Variants in PCDHA1 observed in about 807,000 individuals in gnomAD.
The protein encoded by PCDHA1 is protocadherin alpha 1, also known as protocadherin alpha-1.
A neutral mutation model predicts 61.3 loss-of-function variants in PCDHA1; 42 were observed. That is an observed-to-expected ratio of 0.69 (90% confidence interval 0.54 to 0.89). The LOEUF (loss-of-function observed/expected upper bound fraction) is 0.89. PCDHA1 is among the 40% of genes least tolerant of loss of function. PCDHA1 has a pLI of 0.00. For missense variants in PCDHA1, 1,256 were observed against 1,235.3 expected (o/e 1.02, Z -0.25); for synonymous variants, 610 against 553.8 (o/e 1.10, Z -1.43).
In PCDHA1 at chr5:140,807,615, C is replaced by T. The variant is rs781997820; in HGVS notation, c.2394+18931C>T. ...GCAACACAAAAGAACCTGTCCATCG[C>T]GGAATCCAGGCCGCTTGACTCTCGG... On this transcript the variant is annotated intron_variant, in intron 1 of 3. Transcript: ENST00000504120. 6.2e-6 allele frequency: 10 copies of T among 1,614,038 alleles called. No homozygotes were observed. In the East Asian group the frequency reaches 6.7e-5, roughly 11 times the overall value.
chr5:140,787,837 A>G lies in PCDHA1; in HGVS notation c.1547A>G (p.Lys516Arg). The G allele has an allele frequency of 6.2e-7, 1 of 1,612,678 alleles. No homozygotes were observed. Among genetic ancestry groups the G allele is most frequent in the Non-Finnish European group, 8.5e-7 (1 of 1,179,778 alleles). Residue 516 changes from lysine (K) to arginine (R), a missense_variant, in exon 1 of 4, where the codon AAG becomes AGG. Coordinates refer to ENST00000504120, the MANE Select transcript of PCDHA1 (RefSeq NM_018900.4). ...NYVSVHAESGKVYALQPLDHE... is the reference protein window; with the variant it reads ...NYVSVHAESGRVYALQPLDHE... ...GTGTCAGTGCACGCGGAGAGCGGCA[A>G]GGTGTACGCACTGCAGCCCCTGGAC...
chr5:140,795,471 C>T (rs1554119448), intron 1 of PCDHA1: 9 of 1,614,114 alleles, frequency 5.6e-6, no homozygotes, highest in South Asian at 1.1e-5. Context: ...CTCTTCTCTC[C>T]TACAAGCTCA....
At chr5:140,811,900 G>A (rs1259362613) in intron 1 of PCDHA1, 1 of 152,042 alleles carries the variant, frequency 6.6e-6, no homozygotes, top group Non-Finnish European at 1.5e-5. Flanking sequence ...CTGGATATTA[G>A]CCCTTTGTCA....
At position 140,805,202 on chromosome 5, in the gene PCDHA1, C is replaced by G. The variant is rs1440832187; in HGVS notation, c.2394+16518C>G. 6 of 1,438,084 alleles carry G rather than the reference C, an allele frequency of 4.2e-6. No homozygotes were observed. In the African/African-American group the frequency reaches 7.2e-5, roughly 17 times the overall value. 89.1% of individuals were successfully genotyped at this position (1,438,084 alleles called of 1,614,324 possible). A position where few individuals can be genotyped will look rare whatever the true frequency, so the allele number is the denominator to read the frequency against. The stretch of plus-strand genomic sequence containing the variant: ...TGCCAAATAAATATTGAATAGCTAC[C>G]AAATAAACATTGTTTTCTATTCTGC... On this transcript the variant is annotated intron_variant, in intron 1 of 3. Coordinates refer to ENST00000504120, the MANE Select transcript of PCDHA1 (RefSeq NM_018900.4).
intron 1 of PCDHA1, chr5:140,857,218 T>G: frequency 6.3e-7 from 1 of 1,598,468 alleles, no homozygotes. Context: ...CTCTGACGCC[T>G]CACGTTCCGT....
chr5:140,874,124 T>G (rs926046559), intron 1 of PCDHA1, among the ~76,000 whole-genome samples: 6 of 152,266 alleles, frequency 3.9e-5, no homozygotes, highest in Admixed American at 3.3e-4. Context: ...TTATAGTTTA[T>G]TTAAGTTATC....
At chr5:140,829,264 T>C (rs2150164860) in intron 1 of PCDHA1, 2 of 1,614,244 alleles carry the variant, frequency 1.2e-6, no homozygotes, top group East Asian at 2.2e-5. Flanking sequence ...CGCTGACGCC[T>C]CACGTCCCTT....
intron 1 of PCDHA1, among the ~76,000 whole-genome samples, chr5:140,937,697 G>A (rs2091687536): frequency 6.6e-6 from 1 of 151,910 alleles, no homozygotes; most frequent in Non-Finnish European, 1.5e-5. Flanking sequence ...CGGATCACGA[G>A]GTCAGGAGAT....
chr5:140,957,327 A>G (rs1554222920), intron 1 of PCDHA1, among the ~76,000 whole-genome samples: 1 of 152,182 alleles, frequency 6.6e-6, no homozygotes, highest in East Asian at 1.9e-4. Context: ...AGCACAGTAC[A>G]GTAAGATATT....
At chr5:140,857,006 G>A (rs1365266931) in intron 1 of PCDHA1, 2 of 1,595,206 alleles carry the variant, frequency 1.3e-6, no homozygotes, top group East Asian at 2.2e-5. Flanking sequence ...AATTCATGTA[G>A]ATGTTACAGA....
At chr5:140,803,304 G>T (rs1763167054) in intron 1 of PCDHA1, 2 of 1,614,120 alleles carry the variant, frequency 1.2e-6, no homozygotes, top group Non-Finnish European at 8.5e-7. Flanking sequence ...CTTGATCGTC[G>T]CCATCTGCGC....
Position 140,897,056 on chromosome 5 carries a change from T to C in PCDHA1, c.2395-81893T>C, listed in dbSNP as rs147544543. Among the ~76,000 whole-genome samples the C allele has an allele frequency of 2.6e-3, 395 of 152,288 alleles. 2 individuals carry two copies. The highest frequency in any genetic ancestry group is 9.2e-3 in the African/African-American group (384 of 41,556). ...ATAGTCACCCTATTCTGCTGTCAAA[T>C]ACTATGTCTTATTCATTTTTTCTAT... On this transcript the variant is annotated intron_variant, in intron 1 of 3. Coordinates refer to ENST00000504120, the MANE Select transcript of PCDHA1 (RefSeq NM_018900.4).
At position 140,787,971 on chromosome 5, in the gene PCDHA1, A is replaced by C; in HGVS notation, c.1681A>C (p.Asn561His). 1 of 1,613,956 alleles carries C rather than the reference A, an allele frequency of 6.2e-7. No homozygotes were observed. Among genetic ancestry groups the C allele is most frequent in the Non-Finnish European group, 8.5e-7 (1 of 1,179,884 alleles). Residue 561 changes from asparagine to histidine, a missense_variant, in exon 1 of 4, where the codon AAC (asparagine) becomes CAC (histidine). Coordinates refer to ENST00000504120, the MANE Select transcript of PCDHA1 (RefSeq NM_018900.4). ...GGTGTTCGTGCTGGACGAGAACGAC[A>C]ACGCGCCGGCGCTGCTGGCGCCTCG... ...LQVFVLDEND[N>H]APALLAPRVG...
chr5:140,807,044 C>T, intron 1 of PCDHA1: 2 of 1,002,562 alleles, frequency 2.0e-6, no homozygotes, highest in Non-Finnish European at 2.9e-6. Flanking sequence ...GGGAAAATTC[C>T]TTCTATTCTT....
At chr5:140,833,764 A>G (rs1310770035) in intron 1 of PCDHA1, among the ~76,000 whole-genome samples, 2 of 151,920 alleles carry the variant, frequency 1.3e-5, no homozygotes, top group African/African-American at 4.8e-5. Context: ...ACACACACAC[A>G]CACCGCTTTC....
intron 1 of PCDHA1, among the ~76,000 whole-genome samples, chr5:140,941,214 C>CTTT (rs1554214039): frequency 0.031 from 3,845 of 122,336 alleles, 93 homozygotes; most frequent in South Asian, 0.048. Flanking sequence ...TTTCTTTCTT[C>CTTT]CTTTCTTTCT....
chr5:140,788,759 C>T (rs782182606), intron 1 of PCDHA1, 75 bp downstream of exon 1: 1 of 1,462,832 alleles, frequency 6.8e-7, no homozygotes, highest in Non-Finnish European at 9.1e-7. Context: ...TCAAATATCA[C>T]TTTAAAAAAT....
At position 140,834,409 on chromosome 5, in the gene PCDHA1, C is replaced by G. The variant is rs2150217049; in HGVS notation, c.2394+45725C>G. The stretch of plus-strand genomic sequence containing the variant: ...ATGGTGTGCCCGAATGGATACGACC[C>G]AGGGGGCCGACATCTACTGCTGTTT... On this transcript the variant is annotated intron_variant, in intron 1 of 3. Transcript: ENST00000504120. 4.8e-5 allele frequency: 78 copies of G among 1,610,292 alleles called. 1 individual carries two copies. The highest frequency in any genetic ancestry group is 5.9e-5 in the Non-Finnish European group (70 of 1,177,780).
chr5:140,794,166 T>A (rs1162581807), intron 1 of PCDHA1, among the ~76,000 whole-genome samples: 1 of 152,204 alleles, frequency 6.6e-6, no homozygotes, highest in Non-Finnish European at 1.5e-5. Context: ...TATACATATG[T>A]TGGACTATTA....
Sources: gnomAD v4.1 joint callset for allele counts (sites outside exome capture counted in the v4.1 genomes callset) on GRCh38, gnomAD v4.1.1 for gene constraint, MANE v1.5 for transcripts, NCBI Gene and HGNC (gene_info 2026-07-23, HGNC 2026-07-21) for gene names.